The following RRBP1 variants were observed in gnomAD, a reference collection of about 807,000 sequenced individuals.
RRBP1 encodes the protein ribosome-binding protein 1.
RRBP1 carries 94 observed loss-of-function variants against 165.2 expected under a neutral mutation model. The ratio of observed to expected loss-of-function variants is 0.57; its 90% CI spans 0.48 to 0.68. RRBP1 has a LOEUF of 0.68. Among genes scored for constraint, RRBP1 ranks in the 30% least tolerant of loss-of-function variants. RRBP1 has a pLI of 0.00. For synonymous variants in RRBP1, 680 were observed against 714.5 expected, an observed-to-expected ratio of 0.95 and a Z score of 0.77; for missense variants, 1,676 against 1,763.0, an observed-to-expected ratio of 0.95 and a Z score of 0.88.
Position 17,620,579 on chromosome 20 carries a change from A to G in RRBP1, c.3507+136T>C, listed in dbSNP as rs73262603. On this transcript the variant is annotated intron_variant, in intron 17 of 24. Transcript: ENST00000377813. ...GGACGGACTGAGCTGTCATCCCGCA[A>G]CTGTGCTTCATAGGGTGTCGTGGAA... is the stretch of plus-strand genomic sequence containing the variant. The G allele has an allele frequency of 4.6e-3, 3,676 of 803,722 alleles. 101 individuals carry two copies. The African/African-American group carries it at 0.055, about 12-fold the overall frequency. 49.8% of individuals were successfully genotyped at this position (803,722 alleles called of 1,614,324 possible).
At chr20:17,676,336 G>C (rs1217984684) in intron 2 of RRBP1, among the ~76,000 whole-genome samples, 1 of 152,252 alleles carries the variant, frequency 6.6e-6, no homozygotes, top group Non-Finnish European at 1.5e-5. Flanking sequence ...ACAGGTATGA[G>C]ACGGCGAGGA....
intron 2 of RRBP1, among the ~76,000 whole-genome samples, 171 bp from the exon 3 acceptor site, chr20:17,660,699 T>G (rs916070090): frequency 5.3e-5 from 8 of 152,206 alleles, no homozygotes; most frequent in Non-Finnish European, 8.8e-5. Flanking sequence ...CACCTGCTCC[T>G]CTTTAGGAGT....
chr20:17,635,624 G>GC lies in RRBP1; in HGVS notation c.2377_2378insG (p.Thr793SerfsTer57). On this transcript the variant is annotated frameshift_variant, in exon 7 of 25. Coordinates refer to ENST00000377813, the MANE Select transcript of RRBP1 (RefSeq NM_001365613.2). LOFTEE classifies it high-confidence loss of function. ...CTCCTGCTGCAGGCGGGCCAGCTGC[G>GC]TGTTGGGGCCATTCTCCAGCTGCTC... 6.2e-7 allele frequency: 1 copy of GC among 1,613,476 alleles called. No homozygotes were observed. The highest frequency in any genetic ancestry group is 1.7e-4 in the Middle Eastern group (1 of 6,054).
intron 6 of RRBP1, among the ~76,000 whole-genome samples, 179 bp downstream of exon 6, chr20:17,636,398 C>A (rs895086555): frequency 4.6e-5 from 7 of 152,190 alleles, no homozygotes; most frequent in Non-Finnish European, 1.0e-4. Context: ...GCTGCCAGAC[C>A]CTGTCCAGCC....
chr20:17,645,150 C>T (rs1053852700), intron 3 of RRBP1, among the ~76,000 whole-genome samples: 8 of 152,194 alleles, frequency 5.3e-5, no homozygotes, highest in Non-Finnish European at 1.0e-4. Context: ...CCAGGCCCCA[C>T]GGCCCCTACT....
chr20:17,664,675 T>C (rs78301990), intron 2 of RRBP1, among the ~76,000 whole-genome samples: 6,977 of 152,290 alleles, frequency 0.046, 484 homozygotes, highest in African/African-American at 0.15. Flanking sequence ...GCCAAGCCAG[T>C]TGGGTCCAAT....
At chr20:17,644,159 G>A (rs2036420099) in intron 3 of RRBP1, among the ~76,000 whole-genome samples, 1 of 152,136 alleles carries the variant, frequency 6.6e-6, no homozygotes, top group Admixed American at 6.5e-5. Flanking sequence ...CAAAGCATTT[G>A]GCACGATACC....
chr20:17,624,332 G>A (rs538354493), intron 13 of RRBP1, among the ~76,000 whole-genome samples: 4 of 152,294 alleles, frequency 2.6e-5, no homozygotes, highest in Non-Finnish European at 4.4e-5. Context: ...GTCCTAGTGC[G>A]TCTGTACGTC....
chr20:17,662,144 T>G lies in RRBP1; in HGVS notation c.-21-1616A>C, dbSNP rs150391941. Reference sequence around the variant, plus strand: ...CAGGCGTGGCGGCGGGTGCCTGTAGTCCAGGCTACTCGGGAGGCTGAGGCA... The same window carrying G: ...CAGGCGTGGCGGCGGGTGCCTGTAGGCCAGGCTACTCGGGAGGCTGAGGCA... On this transcript the variant is annotated intron_variant, in intron 2 of 24. Transcript: ENST00000377813. Among the ~76,000 whole-genome samples the G allele has an allele frequency of 6.0e-3, 918 of 152,066 alleles. 6 individuals carry two copies. Among genetic ancestry groups the G allele is most frequent in the African/African-American group, 0.021 (876 of 41,484 alleles).
chr20:17,631,196 C>T (rs2036145004), intron 8 of RRBP1, among the ~76,000 whole-genome samples: 1 of 152,268 alleles, frequency 6.6e-6, no homozygotes, highest in Non-Finnish European at 1.5e-5. Flanking sequence ...TGCCAGGTGT[C>T]CCGGGCAGGA....
chr20:17,654,202 G>A (rs1217559531), intron 3 of RRBP1, among the ~76,000 whole-genome samples: 1 of 152,176 alleles, frequency 6.6e-6, no homozygotes, highest in African/African-American at 2.4e-5. Context: ...TCTCCCTGTA[G>A]GAGAGCCTTT....
chr20:17,649,854 G>A lies in RRBP1; in HGVS notation c.1913-6727C>T, dbSNP rs1319737046. Among the ~76,000 whole-genome samples the A allele has an allele frequency of 5.9e-5, 9 of 152,090 alleles. No individual in the cohort carries two copies. The South Asian group carries it at 6.2e-4, about 11-fold the overall frequency. On this transcript the variant is annotated intron_variant, in intron 3 of 24. Transcript: ENST00000377813. ...GAGCTCACAGGCCCCCTCCCACCAC[G>A]GCACTGCCAGGCTCCAGAATGTGGG... is the stretch of plus-strand genomic sequence containing the variant.
rs751099283 is a variant in RRBP1, at chr20:17,629,824, G to A, written c.2748C>T (p.Ala916=). The change falls in exon 9 of 25, where the codon GCC becomes GCT. Residue 916 remains alanine (A), a splice_region_variant and synonymous_variant. Transcript: ENST00000377813. The part of the protein sequence containing the change: ...EKAQEQQQQM[A]ELHSKLQSSE... ...CGGCCCCACTGCCGCCGCCCTTACC[G>A]GCCATCTGCTGCTGTTGCTCCTGGG... is the stretch of plus-strand genomic sequence containing the variant. 27 of 1,596,506 alleles carry A rather than the reference G, an allele frequency of 1.7e-5. No homozygotes were observed. Among genetic ancestry groups the A allele is most frequent in the South Asian group, 6.6e-5 (6 of 90,906 alleles).
chr20:17,619,771 T>C (rs2035872514), intron 18 of RRBP1, 43 bp from the exon 19 acceptor site: 1 of 1,466,988 alleles, frequency 6.8e-7, no homozygotes, highest in Non-Finnish European at 9.3e-7. Flanking sequence ...GCCAGCAGCC[T>C]CTGCTCAAAG....
intron 9 of RRBP1, among the ~76,000 whole-genome samples, chr20:17,628,640 C>A (rs2036081786): frequency 6.6e-6 from 1 of 152,246 alleles, no homozygotes; most frequent in Non-Finnish European, 1.5e-5. Flanking sequence ...CCGCCACCAG[C>A]CTTCTCCTTC....
At chr20:17,667,482 T>C (rs1254340349) in intron 2 of RRBP1, among the ~76,000 whole-genome samples, 1 of 152,214 alleles carries the variant, frequency 6.6e-6, no homozygotes, top group East Asian at 1.9e-4. Flanking sequence ...GCAGCAAATA[T>C]TTAAGGCAAT....
At position 17,616,846 on chromosome 20, in the gene RRBP1, C is replaced by T. The variant is rs8183329; in HGVS notation, c.3760-7G>A. ...CACTCAACTGCTGCCTGACCTGGAA[C>T]AGGAAGGGGTGTGTTTGCAAATGCA... On this transcript the variant is annotated splice_polypyrimidine_tract_variant and splice_region_variant and intron_variant, in intron 20 of 24. Transcript: ENST00000377813. 4.6e-3 allele frequency: 7,357 copies of T among 1,606,892 alleles called. 156 individuals are homozygous for T. In the East Asian group the frequency reaches 0.073, roughly 16 times the overall value.
chr20:17,647,548 C>A (rs950609878), intron 3 of RRBP1, among the ~76,000 whole-genome samples: 2 of 152,182 alleles, frequency 1.3e-5, no homozygotes, highest in Non-Finnish European at 2.9e-5. Flanking sequence ...AGCAGGCAGA[C>A]CAGCTGGCCT....
chr20:17,647,403 C>A (rs562189107), intron 3 of RRBP1, among the ~76,000 whole-genome samples: 1 of 152,184 alleles, frequency 6.6e-6, no homozygotes, highest in Non-Finnish European at 1.5e-5. Flanking sequence ...GACTTGCACC[C>A]GAGGTTGGAC....
Sources: gnomAD v4.1 joint callset for allele counts (sites outside exome capture counted in the v4.1 genomes callset) on GRCh38, gnomAD v4.1.1 for gene constraint, MANE v1.5 for transcripts, NCBI Gene and HGNC (gene_info 2026-07-23, HGNC 2026-07-21) for gene names.